Variants in ELAVL3 observed in about 807,000 individuals in gnomAD.
ELAVL3 encodes ELAV like RNA binding protein 3, also known as ELAV-like protein 3.
ELAVL3 carries 8 observed loss-of-function variants against 34.2 expected under a neutral mutation model. That is an observed-to-expected ratio of 0.23 (90% CI 0.14 to 0.42). ELAVL3 has a LOEUF of 0.42. Ranked by LOEUF, ELAVL3 falls within the 10% of genes least tolerant of loss-of-function variation. ELAVL3 has a pLI of 1.00. For missense variants in ELAVL3, 273 were observed against 518.8 expected, an observed-to-expected ratio of 0.53 and a Z score of 4.60; for synonymous variants, 209 against 222.1, an observed-to-expected ratio of 0.94 and a Z score of 0.53.
intron 1 of ELAVL3, among the ~76,000 whole-genome samples, chr19:11,469,659 T>C (rs992965194): frequency 8.5e-5 from 13 of 152,264 alleles, no homozygotes; most frequent in African/African-American, 3.1e-4. Context: ...TTTGTTTATA[T>C]ACATTGCTTG....
Position 11,454,864 on chromosome 19 carries a change from T to A in ELAVL3, c.766A>T (p.Ile256Phe). ...AYGVKSPLSL[I>F]ARFSPIAIDG... ...ATGGCGATCGGCGAGAACCTGGCGA[T>A]GAGCGACAGGGGACTACTTTGGGGG... is the stretch of plus-strand genomic sequence containing the variant. Residue 256 changes from isoleucine to phenylalanine, a missense_variant, in exon 7 of 7, where the codon ATC becomes TTC. Around this residue, in one of 4 missense-constraint regions of ELAVL3, gnomAD observed 79 missense variants for 108.2 expected, o/e 0.73. Transcript: ENST00000359227. This position sits in a 1 kb window ranked among gnomAD's most constrained non-coding sequence, Gnocchi z 9.2. 1 of 1,599,560 alleles carries A rather than the reference T, an allele frequency of 6.3e-7. No homozygotes were observed. The highest frequency in any genetic ancestry group is 8.5e-7 in the Non-Finnish European group (1 of 1,176,894).
intron 1 of ELAVL3, among the ~76,000 whole-genome samples, chr19:11,472,731 G>C (rs1971188962): frequency 6.6e-6 from 1 of 151,718 alleles, no homozygotes; most frequent in South Asian, 2.1e-4. Context: ...GAAGAAGAAG[G>C]AGAGGGAGAG....
At chr19:11,467,193 C>T (rs999459315) in intron 1 of ELAVL3, among the ~76,000 whole-genome samples, 6 of 152,064 alleles carry the variant, frequency 3.9e-5, no homozygotes, top group Non-Finnish European at 7.4e-5. Context: ...GAAGCTGAGG[C>T]GGGCGGATCA....
rs1218763003 is a variant in ELAVL3, at chr19:11,451,452, GT to G, written c.*3073del. On this transcript the variant is annotated 3_prime_UTR_variant, in exon 7 of 7. Transcript: ENST00000359227. The stretch of plus-strand genomic sequence containing the variant: ...AAATAGTCTAAACGCAACGCGAAGT[GT>G]TCTTGTTGGGTTTTTTTTTTTTTTT... 3.8e-5 allele frequency: 4 copies of G among 106,284 alleles called. No individual in the cohort carries two copies. 6.6% of individuals were successfully genotyped at this position (106,284 alleles called of 1,614,324 possible).
chr19:11,457,252 G>A (rs311787), intron 5 of ELAVL3, 104 bp from the exon 6 acceptor site: 82,593 of 1,204,270 alleles, frequency 0.069, 5,562 homozygotes, highest in African/African-American at 0.35. Context: ...GCCTGCAGCA[G>A]AGCCCTGCCC....
At chr19:11,471,777 A>G (rs943108472) in intron 1 of ELAVL3, among the ~76,000 whole-genome samples, 7 of 152,144 alleles carry the variant, frequency 4.6e-5, no homozygotes, top group South Asian at 2.1e-4. Flanking sequence ...GTAACAGTCA[A>G]CCAGGCTGGT....
chr19:11,460,824 T>G (rs1484319050), intron 3 of ELAVL3, among the ~76,000 whole-genome samples: 6 of 151,936 alleles, frequency 3.9e-5, no homozygotes, highest in Admixed American at 3.9e-4. Flanking sequence ...TTAATTATAG[T>G]CCAACCCAAC....
chr19:11,470,936 C>A (rs1212579800), intron 1 of ELAVL3, among the ~76,000 whole-genome samples: 1 of 152,134 alleles, frequency 6.6e-6, no homozygotes, highest in Non-Finnish European at 1.5e-5. Flanking sequence ...GCCTCAAACT[C>A]CTGGGTTCAA....
intron 1 of ELAVL3, among the ~76,000 whole-genome samples, chr19:11,470,448 C>G (rs1971141170): frequency 1.3e-5 from 2 of 151,380 alleles, no homozygotes; most frequent in Non-Finnish European, 2.9e-5. Flanking sequence ...GGCAGATCAC[C>G]TGAGGTCGGG....
Position 11,458,372 on chromosome 19 carries a change from C to T in ELAVL3, c.487+86G>A. The stretch of plus-strand genomic sequence containing the variant: ...CTCCCTTCCCTGCTTCATGCCCTGG[C>T]ATCTTGGTCGGTTTCCCCACGTTGG... On this transcript the variant is annotated intron_variant, in intron 4 of 6. Coordinates refer to ENST00000359227, the MANE Select transcript of ELAVL3 (RefSeq NM_001420.4). This position sits in a 1 kb window ranked among gnomAD's most constrained non-coding sequence, Gnocchi z 7.3. 1 of 1,605,914 alleles carries T rather than the reference C, an allele frequency of 6.2e-7. No homozygotes were observed. The highest frequency in any genetic ancestry group is 1.7e-4 in the Middle Eastern group (1 of 6,044).
intron 1 of ELAVL3, among the ~76,000 whole-genome samples, chr19:11,479,406 C>G (rs1463236633): frequency 1.3e-5 from 2 of 152,030 alleles, no homozygotes; most frequent in African/African-American, 4.8e-5. Flanking sequence ...AAAAGGGGCC[C>G]GGAAAGAGAC....
intron 1 of ELAVL3, among the ~76,000 whole-genome samples, chr19:11,470,910 ATT>A (rs1427554143): frequency 6.6e-6 from 1 of 152,006 alleles, no homozygotes; most frequent in African/African-American, 2.4e-5. Flanking sequence ...CAGTGTTGTG[ATT>A]GTAGTTCACT....
chr19:11,464,896 AC>A (rs1453426728), intron 3 of ELAVL3, among the ~76,000 whole-genome samples: 22 of 133,640 alleles, frequency 1.6e-4, no homozygotes, highest in East Asian at 5.0e-4. Flanking sequence ...CACACACCAC[AC>A]ACACCACAAA....
At chr19:11,462,569 G>A (rs983041274) in intron 3 of ELAVL3, among the ~76,000 whole-genome samples, 5 of 150,446 alleles carry the variant, frequency 3.3e-5, no homozygotes, top group South Asian at 2.1e-4. Context: ...CCTGAGAGGC[G>A]GAATTGCAGT....
At chr19:11,467,904 C>T (rs1244929262) in intron 1 of ELAVL3, among the ~76,000 whole-genome samples, 1 of 152,162 alleles carries the variant, frequency 6.6e-6, no homozygotes, top group Admixed American at 6.6e-5. Context: ...ATCCTCCCAC[C>T]TCAGCCTCCC....
Position 11,458,236 on chromosome 19 carries a change from C to T in ELAVL3, c.538G>A (p.Glu180Lys). 1.9e-6 allele frequency: 3 copies of T among 1,614,066 alleles called. No individual in the cohort carries two copies. Among genetic ancestry groups the T allele is most frequent in the Non-Finnish European group, 2.5e-6 (3 of 1,180,032 alleles). Residue 180 changes from glutamate to lysine, a missense_variant, in exon 5 of 7, where the codon GAA (glutamate) becomes AAA (lysine). This residue lies in a region of ELAVL3 where 102 missense variants were observed against 250.1 expected (regional missense o/e 0.41). Transcript: ENST00000359227. The surrounding 1 kb of genome is among the most constrained non-coding windows in gnomAD (Gnocchi z 7.3). ...FIRFDKRIEA[E>K]EAIKGLNGQK... is the part of the protein sequence containing the mutation. ...CCATTCAGTCCTTTGATAGCCTCTT[C>T]GGCCTCAATCCTCTTGTCAAAGCGG...
chr19:11,464,760 TCACAC>T (rs1568382493), intron 3 of ELAVL3, among the ~76,000 whole-genome samples: 1 of 61,790 alleles, frequency 1.6e-5, no homozygotes, highest in African/African-American at 4.2e-5. Context: ...CACACACACA[TCACAC>T]ACACCACACA....
In ELAVL3 at chr19:11,466,212, T is replaced by C. The variant is rs1026498677; in HGVS notation, c.293A>G (p.Asn98Ser). Residue 98 changes from asparagine to serine, a missense_variant, in exon 3 of 7, where the codon AAC becomes AGC. This residue lies in a region of ELAVL3 where 102 missense variants were observed against 250.1 expected (regional missense o/e 0.41). Transcript: ENST00000359227. This position sits in a 1 kb window ranked among gnomAD's most constrained non-coding sequence, Gnocchi z 5.0. ...CTGTAATTTGAGGCCGTTGAGGGTG[T>C]TGATGGCTTTGTCTGCATCATTGGG... is the stretch of plus-strand genomic sequence containing the variant. The part of the protein sequence containing the change: ...SDPNDADKAI[N>S]TLNGLKLQTK... 6.2e-7 allele frequency: 1 copy of C among 1,613,832 alleles called. No homozygotes were observed. Among genetic ancestry groups the C allele is most frequent in the South Asian group, 1.1e-5 (1 of 91,074 alleles).
intron 1 of ELAVL3, among the ~76,000 whole-genome samples, chr19:11,467,594 C>CT (rs1299430728): frequency 2.0e-5 from 3 of 150,938 alleles, no homozygotes; most frequent in Admixed American, 6.6e-5. Flanking sequence ...AGCGATTCTC[C>CT]TGCCTCAGCC....
Sources: gnomAD v4.1 joint callset for allele counts (sites outside exome capture counted in the v4.1 genomes callset) on GRCh38, gnomAD v4.1.1 for gene constraint, gnomAD v4.1.1 regional missense constraint, Gnocchi (gnomAD v3.1) non-coding constraint, MANE v1.5 for transcripts, NCBI Gene and HGNC (gene_info 2026-07-23, HGNC 2026-07-21) for gene names.